The following TNIP1 variants were observed in gnomAD, a reference collection of about 807,000 sequenced individuals.
TNIP1 encodes TNFAIP3-interacting protein 1.
In TNIP1, 22 loss-of-function variants were observed where a neutral mutation model predicts 86.6. The ratio of observed to expected loss-of-function variants is 0.25; its 90% CI spans 0.18 to 0.36. The LOEUF is 0.36. Ranked by LOEUF, TNIP1 falls within the 10% of genes least tolerant of loss-of-function variation. The pLI, the probability that TNIP1 is intolerant of heterozygous loss-of-function variation, is 1.00. For missense variants in TNIP1, 709 were observed against 820.6 expected (o/e 0.86, Z 1.66); for synonymous variants, 294 against 313.0 (o/e 0.94, Z 0.64).
chr5:151,058,172 C>T (rs1334407048), intron 5 of TNIP1, among the ~76,000 whole-genome samples: 2 of 152,192 alleles, frequency 1.3e-5, no homozygotes, highest in African/African-American at 2.4e-5. Flanking sequence ...CCACCCACCT[C>T]GGCCTCCCAA....
intron 1 of TNIP1, among the ~76,000 whole-genome samples, chr5:151,066,329 C>A (rs188687062): frequency 6.6e-5 from 10 of 152,340 alleles, no homozygotes; most frequent in Admixed American, 1.3e-4. Context: ...ACCGAGCCAG[C>A]CTCCAGCCCT....
rs774344254 is a variant in TNIP1, at chr5:151,065,111, CCT to C, written c.-18_-17del. On this transcript the variant is annotated 5_prime_UTR_variant, in exon 2 of 18. Transcript: ENST00000521591. ...TCCCTTCCATGAGGGTAGCTCAGCC[CCT>C]GCCGTGGTGCCCGCCTGGCTGTAAG... is the stretch of plus-strand genomic sequence containing the variant. The C allele has an allele frequency of 2.2e-4, 358 of 1,609,130 alleles. 3 individuals carry two copies. The Middle Eastern group carries it at 0.011, about 50-fold the overall frequency.
At chr5:151,074,365 T>C (rs1763149953) in intron 1 of TNIP1, among the ~76,000 whole-genome samples, 2 of 152,186 alleles carry the variant, frequency 1.3e-5, no homozygotes, top group African/African-American at 2.4e-5. Flanking sequence ...GTAACTCCCC[T>C]GCCTCCAAGA....
intron 6 of TNIP1, among the ~76,000 whole-genome samples, chr5:151,055,623 T>C (rs910859757): frequency 6.6e-6 from 1 of 152,194 alleles, no homozygotes; most frequent in Non-Finnish European, 1.5e-5. Flanking sequence ...CGTGCTCCTC[T>C]ACCCCCACAC....
rs1187230231 is a variant in TNIP1, at chr5:151,063,820, C to T, written c.137-73G>A. ...GTGCTGCTTCTCCCCGTCCCAGGCC[C>T]CTAACCGTGCTGCCGCCTGGCTTCT... On this transcript the variant is annotated intron_variant, in intron 2 of 17. Transcript: ENST00000521591. 4.5e-6 allele frequency: 7 copies of T among 1,562,706 alleles called. No individual in the cohort carries two copies. In the Admixed American group the frequency reaches 7.1e-5, roughly 16 times the overall value.
At chr5:151,082,777 C>T (rs1427098382), upstream of TNIP1, among the ~76,000 whole-genome samples, 1 of 152,184 alleles carries the variant, frequency 6.6e-6, no homozygotes, top group Non-Finnish European at 1.5e-5. Flanking sequence ...TTTCCTAGTT[C>T]TGGATCCTTT....
chr5:151,069,702 C>T (rs1762619726), intron 1 of TNIP1, among the ~76,000 whole-genome samples: 1 of 152,066 alleles, frequency 6.6e-6, no homozygotes, highest in African/African-American at 2.4e-5. Flanking sequence ...GGTGGGCTGG[C>T]AGAGGGGGTA....
intron 1 of TNIP1, among the ~76,000 whole-genome samples, chr5:151,073,077 C>G (rs1013856369): frequency 6.6e-6 from 1 of 152,036 alleles, no homozygotes; most frequent in African/African-American, 2.4e-5. Flanking sequence ...CAAAAATTAG[C>G]CAGGTGTGGT....
Position 151,036,840 on chromosome 5 carries a change from G to A in TNIP1, c.1345C>T (p.Leu449Phe), listed in dbSNP as rs1320364100. 4 of 1,613,918 alleles carry A rather than the reference G, an allele frequency of 2.5e-6. No homozygotes were observed. The highest frequency in any genetic ancestry group is 3.4e-6 in the Non-Finnish European group (4 of 1,179,906). The stretch of plus-strand genomic sequence containing the variant: ...GTGACCAGCTCCTGTTTCCTTAGGA[G>A]GGCCCCTGCTCCTTCTGGGCTCCCA... ...AFGSPEGAGA[L>F]LRKQELVTQN... The change falls in exon 13 of 18, where the codon CTC becomes TTC. Residue 449 changes from leucine (L) to phenylalanine (F), a missense_variant. Coordinates refer to ENST00000521591, the MANE Select transcript of TNIP1 (RefSeq NM_006058.5).
chr5:151,035,854 C>T (rs1757632259), intron 13 of TNIP1, 147 bp from the exon 14 acceptor site: 1 of 950,700 alleles, frequency 1.1e-6, no homozygotes, highest in Non-Finnish European at 1.6e-6. Flanking sequence ...CACCTCCAGC[C>T]TCCACCTTAA....
chr5:151,068,948 C>T (rs1762540802), intron 1 of TNIP1, among the ~76,000 whole-genome samples: 1 of 152,254 alleles, frequency 6.6e-6, no homozygotes, highest in Non-Finnish European at 1.5e-5. Flanking sequence ...AGACTTTCTT[C>T]CAAAACAAGA....
At chr5:151,036,580 G>A (rs1757731150) in intron 13 of TNIP1, among the ~76,000 whole-genome samples, 4 of 152,174 alleles carry the variant, frequency 2.6e-5, no homozygotes, top group Non-Finnish European at 5.9e-5. Flanking sequence ...GCATAGAGAT[G>A]GCTAAATCAT....
In TNIP1 at chr5:151,060,360, C is replaced by G. The variant is rs200236985; in HGVS notation, c.393G>C (p.Glu131Asp). The change falls in exon 5 of 18, where the codon GAG (glutamate) becomes GAC (aspartate). Residue 131 changes from glutamate (E) to aspartate (D), a missense_variant. By Grantham distance (45) the Glu-to-Asp change is conservative. Transcript: ENST00000521591. Reference sequence around the variant, plus strand: ...TGCTGCTCTCTGGTGAATTCTGCTCCTCAGGAGTGACCACTTCAAATTCAG... The same window carrying G: ...TGCTGCTCTCTGGTGAATTCTGCTCGTCAGGAGTGACCACTTCAAATTCAG... ...TSSEFEVVTP[E>D]EQNSPESSSH... 2.7e-4 allele frequency: 435 copies of G among 1,614,056 alleles called. 1 individual carries two copies. Among genetic ancestry groups the G allele is most frequent in the Non-Finnish European group, 3.5e-4 (410 of 1,180,050 alleles).
At chr5:151,067,724 C>T (rs1031539280) in intron 1 of TNIP1, among the ~76,000 whole-genome samples, 7 of 152,148 alleles carry the variant, frequency 4.6e-5, no homozygotes, top group Non-Finnish European at 1.0e-4. Flanking sequence ...AGTAGGGCCT[C>T]GGTAAACCTT....
chr5:151,042,413 G>T, intron 11 of TNIP1, 127 bp downstream of exon 11: 1 of 1,289,990 alleles, frequency 7.8e-7, no homozygotes, highest in Non-Finnish European at 1.1e-6. Context: ...CTGTGTTTTT[G>T]GTCACCTAGC....
intron 1 of TNIP1, among the ~76,000 whole-genome samples, chr5:151,071,675 G>A (rs1762840049): frequency 1.3e-5 from 2 of 152,052 alleles, no homozygotes; most frequent in Non-Finnish European, 2.9e-5. Flanking sequence ...GACATCCGCA[G>A]CCCTGTGCCA....
rs755333625 is a variant in TNIP1 at position 151,052,164 on chromosome 5, C to CCGCA, written c.719_722dup (p.Glu242AlafsTer44). 6.2e-7 allele frequency: 1 copy of CCGCA among 1,613,706 alleles called. No individual in the cohort carries two copies. The highest frequency in any genetic ancestry group is 8.5e-7 in the Non-Finnish European group (1 of 1,179,888). On this transcript the variant is annotated frameshift_variant and splice_region_variant. Coordinates refer to ENST00000521591, the MANE Select transcript of TNIP1 (RefSeq NM_006058.5). LOFTEE classifies it high-confidence loss of function. ...CCCTTCTCTGAGGGGCCTGAACTTA[C>CCGCA]CGCAGCCTCTCGGCAGCCTGATCCC...
chr5:151,045,140 G>A (rs925439370), intron 9 of TNIP1, among the ~76,000 whole-genome samples: 7 of 152,028 alleles, frequency 4.6e-5, no homozygotes, highest in African/African-American at 1.4e-4. Flanking sequence ...TGCCCAGGCT[G>A]GCACGCGGTG....
intron 9 of TNIP1, 42 bp downstream of exon 9, chr5:151,045,819 G>A: frequency 4.4e-6 from 7 of 1,592,832 alleles, no homozygotes; most frequent in Non-Finnish European, 6.0e-6. Context: ...GGTCCCGGGA[G>A]GTAAGAGGGA....
Sources: gnomAD v4.1 joint callset for allele counts (sites outside exome capture counted in the v4.1 genomes callset) on GRCh38, gnomAD v4.1.1 for gene constraint, MANE v1.5 for transcripts, NCBI Gene and HGNC (gene_info 2026-07-23, HGNC 2026-07-21) for gene names.